RAB31: variants seen among roughly 807,000 people sequenced by gnomAD.
RAB31 encodes RAB31, member RAS oncogene family.
RAB31 carries 21 observed loss-of-function variants against 25.6 expected under a neutral mutation model. The ratio of observed to expected loss-of-function variants is 0.82; its 90% CI spans 0.58 to 1.18. RAB31 has a LOEUF of 1.18. Ranked by LOEUF, RAB31 falls within the 50% of genes most tolerant of loss-of-function variation. The pLI, the probability that RAB31 is intolerant of heterozygous loss-of-function variation, is 0.00. For missense variants in RAB31, 196 were observed against 250.1 expected, an observed-to-expected ratio of 0.78 and a Z score of 1.46; for synonymous variants, 87 against 84.0, an observed-to-expected ratio of 1.04 and a Z score of -0.20.
At chr18:9,840,386 A>G (rs2068727205) in intron 5 of RAB31, among the ~76,000 whole-genome samples, 1 of 152,192 alleles carries the variant, frequency 6.6e-6, no homozygotes, top group Non-Finnish European at 1.5e-5. Flanking sequence ...GTTGAAAAAA[A>G]ATAAACAAAA....
At chr18:9,827,200 CA>C (rs1470377405) in intron 5 of RAB31, among the ~76,000 whole-genome samples, 1 of 152,024 alleles carries the variant, frequency 6.6e-6, no homozygotes, top group Non-Finnish European at 1.5e-5. Flanking sequence ...TTTTCAAGCT[CA>C]GGGGTCTCCT....
At chr18:9,802,400 C>T (rs2068518465) in intron 3 of RAB31, among the ~76,000 whole-genome samples, 1 of 152,170 alleles carries the variant, frequency 6.6e-6, no homozygotes, top group African/African-American at 2.4e-5. Flanking sequence ...TTAGGTCAGG[C>T]ACAGTGAATC....
Position 9,778,403 on chromosome 18 carries a change from C to A in RAB31, c.119+3046C>A, listed in dbSNP as rs149062995. Among the ~76,000 whole-genome samples the A allele has an allele frequency of 3.9e-3, 587 of 152,246 alleles. 4 individuals carry two copies. Among genetic ancestry groups the A allele is most frequent in the African/African-American group, 0.013 (558 of 41,526 alleles). On this transcript the variant is annotated intron_variant, in intron 2 of 6. Coordinates refer to ENST00000578921, the MANE Select transcript of RAB31 (RefSeq NM_006868.4). ...AAAAACTTATGTATTACAATTGACC[C>A]TTGAACAACTCGGGGATTAAGGGTG...
At chr18:9,749,519 G>C (rs993660074) in intron 1 of RAB31, among the ~76,000 whole-genome samples, 1 of 152,184 alleles carries the variant, frequency 6.6e-6, no homozygotes, top group Non-Finnish European at 1.5e-5. Context: ...AGTTTACATA[G>C]CTTCTATGTT....
At chr18:9,804,228 C>G (rs1383799410) in intron 3 of RAB31, among the ~76,000 whole-genome samples, 1 of 152,216 alleles carries the variant, frequency 6.6e-6, no homozygotes, top group Non-Finnish European at 1.5e-5. Flanking sequence ...GTGCGTGTCC[C>G]CTTCTTCCAT....
At chr18:9,843,725 C>T (rs868111820) in intron 5 of RAB31, among the ~76,000 whole-genome samples, 33 of 152,034 alleles carry the variant, frequency 2.2e-4, no homozygotes, top group Admixed American at 1.8e-3. Context: ...GAGTGAATGT[C>T]GGGGTGTACT....
intron 3 of RAB31, among the ~76,000 whole-genome samples, chr18:9,813,506 A>G (rs142856374): frequency 1.8e-3 from 278 of 152,360 alleles, no homozygotes; most frequent in African/African-American, 6.5e-3. Context: ...TTCATGGTCA[A>G]TAAACCACAA....
intron 1 of RAB31, among the ~76,000 whole-genome samples, chr18:9,743,416 T>C (rs1409382395): frequency 1.3e-5 from 2 of 152,256 alleles, no homozygotes; most frequent in Non-Finnish European, 2.9e-5. Context: ...TCAATGTTTA[T>C]ATAGTGCCTA....
At chr18:9,721,127 ATCCG>A in intron 1 of RAB31, among the ~76,000 whole-genome samples, 1 of 152,208 alleles carries the variant, frequency 6.6e-6, no homozygotes. Flanking sequence ...GAGCCTGTCT[ATCCG>A]TCTTAGGGTT....
chr18:9,752,513 T>C (rs9958317), intron 1 of RAB31, among the ~76,000 whole-genome samples: 70,997 of 152,030 alleles, frequency 0.47, 16,701 homozygotes, highest in South Asian at 0.52. Context: ...GCATGAGCCA[T>C]CGTGCCCGGC....
intron 6 of RAB31, among the ~76,000 whole-genome samples, chr18:9,855,774 C>G (rs910007021): frequency 1.3e-5 from 2 of 152,098 alleles, no homozygotes; most frequent in Non-Finnish European, 2.9e-5. Context: ...TGACTTATCC[C>G]AGGCTGAGAG....
At chr18:9,794,816 A>G (rs1387119073) in intron 3 of RAB31, among the ~76,000 whole-genome samples, 1 of 151,976 alleles carries the variant, frequency 6.6e-6, no homozygotes, top group Non-Finnish European at 1.5e-5. Context: ...GTCTGTCTCA[A>G]AAAAACAAAA....
chr18:9,742,430 C>G (rs912443656), intron 1 of RAB31, among the ~76,000 whole-genome samples: 3 of 152,172 alleles, frequency 2.0e-5, no homozygotes, highest in Non-Finnish European at 2.9e-5. Context: ...CCCTTCAAGC[C>G]GACAGGAAGG....
At chr18:9,803,062 C>T (rs974016540) in intron 3 of RAB31, among the ~76,000 whole-genome samples, 2 of 152,128 alleles carry the variant, frequency 1.3e-5, no homozygotes, top group African/African-American at 4.8e-5. Context: ...GCTGGCAACA[C>T]CAGCCAGCAG....
intron 2 of RAB31, among the ~76,000 whole-genome samples, chr18:9,791,457 G>T (rs1599039964): frequency 2.2e-5 from 3 of 134,552 alleles, no homozygotes. Flanking sequence ...GAGTGCAGTG[G>T]TGCGATTTTG....
At chr18:9,812,841 G>A (rs1246590044) in intron 3 of RAB31, among the ~76,000 whole-genome samples, 2 of 151,848 alleles carry the variant, frequency 1.3e-5, no homozygotes, top group South Asian at 2.1e-4. Context: ...GGGATTACAG[G>A]CATCTGCCAC....
chr18:9,847,970 A>G (rs998909967), intron 6 of RAB31, among the ~76,000 whole-genome samples: 3 of 152,180 alleles, frequency 2.0e-5, no homozygotes, highest in Admixed American at 6.5e-5. Flanking sequence ...TTGGTGGTCT[A>G]CTTTATGAAA....
chr18:9,847,416 C>A (rs1255380904), intron 6 of RAB31, among the ~76,000 whole-genome samples: 1 of 152,140 alleles, frequency 6.6e-6, no homozygotes, highest in African/African-American at 2.4e-5. Context: ...AGTGGTCAGC[C>A]AGGGGAGCCT....
chr18:9,828,101 T>C (rs1295212549), intron 5 of RAB31, among the ~76,000 whole-genome samples: 4 of 151,934 alleles, frequency 2.6e-5, no homozygotes, highest in Non-Finnish European at 4.4e-5. Flanking sequence ...AGGGGCAAGA[T>C]CTGGAACGAA....
Sources: gnomAD v4.1 joint callset for allele counts (sites outside exome capture counted in the v4.1 genomes callset) on GRCh38, gnomAD v4.1.1 for gene constraint, MANE v1.5 for transcripts, NCBI Gene and HGNC (gene_info 2026-07-23, HGNC 2026-07-21) for gene names.